Variants in DACH2 observed in about 807,000 individuals in gnomAD.
DACH2 encodes the protein dachshund family transcription factor 2, also known as dachshund homolog 2.
A neutral mutation model predicts 35.8 loss-of-function variants in DACH2; 17 were observed. The ratio of observed to expected loss-of-function variants is 0.48; its 90% CI spans 0.33 to 0.71. DACH2 has a LOEUF of 0.71. DACH2 is among the 30% of genes least tolerant of loss of function. The pLI, the probability that DACH2 is intolerant of heterozygous loss-of-function variation, is 0.02. For synonymous variants in DACH2, 195 were observed against 177.3 expected (o/e 1.10, Z -0.79); for missense variants, 469 against 472.7 (o/e 0.99, Z 0.07).
chrX:86,343,377 G>A (rs1465882112), intron 1 of DACH2, among the ~76,000 whole-genome samples: 3 of 96,307 alleles, frequency 3.1e-5, no homozygotes, highest in African/African-American at 1.5e-4. Flanking sequence ...TCTTGACAAG[G>A]AAATGGAGAC....
chrX:86,366,381 T>G (rs746084577), intron 1 of DACH2, among the ~76,000 whole-genome samples: 46 of 111,133 alleles, frequency 4.1e-4, no homozygotes, highest in African/African-American at 1.5e-3. Flanking sequence ...ATAATCTAAT[T>G]CATTCACTCT....
At chrX:86,669,509 T>C (rs1345736117) in intron 4 of DACH2, among the ~76,000 whole-genome samples, 1 of 111,642 alleles carries the variant, frequency 9.0e-6, no homozygotes, top group Non-Finnish European at 1.9e-5. Flanking sequence ...TTGATTATCA[T>C]GAAAATTCTA....
At chrX:86,554,525 T>A (rs1057067206) in intron 3 of DACH2, among the ~76,000 whole-genome samples, 2 of 111,874 alleles carry the variant, frequency 1.8e-5, no homozygotes, top group Non-Finnish European at 3.8e-5. Flanking sequence ...CATATATTAT[T>A]CTAATTATAA....
At chrX:86,709,986 T>A (rs1475466072) in intron 5 of DACH2, among the ~76,000 whole-genome samples, 2 of 111,957 alleles carry the variant, frequency 1.8e-5, no homozygotes, top group African/African-American at 6.5e-5. Flanking sequence ...TTTTGGGCAT[T>A]TTTTTAACTA....
intron 4 of DACH2, among the ~76,000 whole-genome samples, chrX:86,692,660 A>G (rs914063881): frequency 8.9e-6 from 1 of 111,817 alleles, no homozygotes; most frequent in Non-Finnish European, 1.9e-5. Flanking sequence ...TGCTGCTGTG[A>G]TAGTGCAGTA....
intron 11 of DACH2, among the ~76,000 whole-genome samples, chrX:86,824,894 T>TAACA (rs973607685): frequency 4.5e-5 from 5 of 112,132 alleles, no homozygotes; most frequent in African/African-American, 1.6e-4. Flanking sequence ...TCATCATTTT[T>TAACA]AACATTGTAC....
chrX:86,799,533 G>C (rs1292696632), intron 7 of DACH2, among the ~76,000 whole-genome samples: 1 of 111,359 alleles, frequency 9.0e-6, no homozygotes, highest in African/African-American at 3.3e-5. Flanking sequence ...GCTGCCCATG[G>C]AGGGAGAGCT....
intron 1 of DACH2, among the ~76,000 whole-genome samples, chrX:86,203,251 T>A (rs1436170920): frequency 4.5e-5 from 5 of 111,326 alleles, no homozygotes; most frequent in Non-Finnish European, 5.7e-5. Context: ...CTATACAGAT[T>A]TATAGTAACT....
intron 3 of DACH2, among the ~76,000 whole-genome samples, chrX:86,563,023 C>A (rs1159749043): frequency 9.0e-6 from 1 of 110,986 alleles, no homozygotes; most frequent in African/African-American, 3.3e-5. Context: ...ATTTGGAATT[C>A]ATGACTATAT....
In DACH2 at chrX:86,374,832, A is replaced by G. The variant is rs772895037; in HGVS notation, c.489-1992A>G. On this transcript the variant is annotated intron_variant, in intron 1 of 11. Coordinates refer to ENST00000373125, the MANE Select transcript of DACH2 (RefSeq NM_053281.3). ...GGGAACCCAGCTGATTTTTTTTCAC[A>G]TTATAACCTATTCTGTACTGAGCTG... 2.7e-4 allele frequency among the ~76,000 whole-genome samples: 30 copies of G among 110,466 alleles called. No homozygotes were observed. In the South Asian group the frequency reaches 8.7e-3, roughly 32 times the overall value.
chrX:86,187,436 G>A (rs1211155731), intron 1 of DACH2, among the ~76,000 whole-genome samples: 1 of 86,250 alleles, frequency 1.2e-5, no homozygotes, highest in Non-Finnish European at 2.2e-5. Flanking sequence ...TTTTTTTTTC[G>A]AGATGGAGTC....
At chrX:86,305,922 A>G (rs772559597) in intron 1 of DACH2, among the ~76,000 whole-genome samples, 3 of 112,044 alleles carry the variant, frequency 2.7e-5, no homozygotes, top group South Asian at 3.7e-4. Context: ...TAGAATGGCT[A>G]TCGTCAAAAA....
chrX:86,721,393 G>A (rs1372960898), intron 6 of DACH2, among the ~76,000 whole-genome samples: 1 of 111,688 alleles, frequency 9.0e-6, no homozygotes, highest in Non-Finnish European at 1.9e-5. Flanking sequence ...AGATCTCTAG[G>A]GCAGGGGCAA....
chrX:86,450,780 G>A (rs766259913), intron 2 of DACH2, among the ~76,000 whole-genome samples: 1 of 110,139 alleles, frequency 9.1e-6, no homozygotes, highest in South Asian at 3.9e-4. Flanking sequence ...GCATGAGATG[G>A]TATCTAATTG....
At chrX:86,491,659 A>AT (rs1226472324) in intron 2 of DACH2, among the ~76,000 whole-genome samples, 3 of 111,796 alleles carry the variant, frequency 2.7e-5, no homozygotes, top group African/African-American at 9.7e-5. Context: ...CAACAAAAAC[A>AT]TTTTGCACGT....
At chrX:86,661,184 G>A (rs775316592) in intron 4 of DACH2, among the ~76,000 whole-genome samples, 3 of 111,956 alleles carry the variant, frequency 2.7e-5, no homozygotes, top group Non-Finnish European at 3.8e-5. Flanking sequence ...TCACTCTTTT[G>A]AAGTGTACAG....
chrX:86,700,205 T>C (rs1442852121), intron 5 of DACH2, among the ~76,000 whole-genome samples: 1 of 111,532 alleles, frequency 9.0e-6, no homozygotes, highest in Non-Finnish European at 1.9e-5. Context: ...AGCATGTGCA[T>C]GTGCAGACGG....
At chrX:86,412,565 C>T (rs2036632360) in intron 2 of DACH2, among the ~76,000 whole-genome samples, 1 of 111,734 alleles carries the variant, frequency 8.9e-6, no homozygotes, top group Admixed American at 9.5e-5. Context: ...TGAGCCCACT[C>T]CCACAATTCT....
intron 11 of DACH2, among the ~76,000 whole-genome samples, chrX:86,818,332 C>T (rs1297544533): frequency 1.8e-5 from 2 of 110,842 alleles, no homozygotes; most frequent in Non-Finnish European, 3.8e-5. Flanking sequence ...AAAATAGGTG[C>T]CTACAAATAT....
Sources: gnomAD v4.1 joint callset for allele counts (sites outside exome capture counted in the v4.1 genomes callset) on GRCh38, gnomAD v4.1.1 for gene constraint, MANE v1.5 for transcripts, NCBI Gene and HGNC (gene_info 2026-07-23, HGNC 2026-07-21) for gene names.